Variants in TMEM132C observed in about 807,000 individuals in gnomAD.
TMEM132C encodes protein phosphatase 1, regulatory subunit 152.
Under a neutral mutation model 61.4 loss-of-function variants are expected in TMEM132C, and 29 were observed. The observed-to-expected ratio is 0.47, with a 90% CI of 0.35 to 0.64. The LOEUF (loss-of-function observed/expected upper bound fraction) is 0.64. Ranked by LOEUF, TMEM132C falls within the 30% of genes least tolerant of loss-of-function variation. The pLI is 0.00. For synonymous variants in TMEM132C, 656 were observed against 633.1 expected (o/e 1.04, Z -0.54); for missense variants, 1,408 against 1,476.9 (o/e 0.95, Z 0.76).
intron 2 of TMEM132C, among the ~76,000 whole-genome samples, chr12:128,482,501 G>C (rs1286154493): frequency 6.6e-6 from 1 of 152,162 alleles, no homozygotes. Context: ...AAATGAGTTA[G>C]GGAAAAGTCC....
At chr12:128,591,419 T>C (rs1257492942) in intron 3 of TMEM132C, among the ~76,000 whole-genome samples, 1 of 152,172 alleles carries the variant, frequency 6.6e-6, no homozygotes, top group East Asian at 1.9e-4. Flanking sequence ...TGAGGGGTCG[T>C]CCATGCCTCC....
intron 1 of TMEM132C, among the ~76,000 whole-genome samples, chr12:128,358,766 C>A (rs1248007989): frequency 6.6e-5 from 10 of 152,020 alleles, no homozygotes; most frequent in Non-Finnish European, 1.5e-5. Context: ...GCCTAAAGAA[C>A]ATTTAAAAGA....
chr12:128,380,275 G>A (rs147055002), intron 1 of TMEM132C, among the ~76,000 whole-genome samples: 2 of 152,370 alleles, frequency 1.3e-5, no homozygotes, highest in East Asian at 3.9e-4. Context: ...TAGTGTTGGA[G>A]ATGCCCTAGG....
At chr12:128,348,538 C>A (rs1280098596) in intron 1 of TMEM132C, among the ~76,000 whole-genome samples, 1 of 152,208 alleles carries the variant, frequency 6.6e-6, no homozygotes, top group African/African-American at 2.4e-5. Flanking sequence ...AAATCTTTCA[C>A]TATGAAGTAT....
intron 1 of TMEM132C, among the ~76,000 whole-genome samples, chr12:128,307,321 A>G (rs1871817513): frequency 6.6e-6 from 1 of 152,160 alleles, no homozygotes; most frequent in African/African-American, 2.4e-5. Flanking sequence ...ATATACAAAT[A>G]TCTCAACTGG....
chr12:128,329,333 C>T (rs147819749), intron 1 of TMEM132C, among the ~76,000 whole-genome samples: 4 of 151,854 alleles, frequency 2.6e-5, no homozygotes, highest in East Asian at 1.9e-4. Flanking sequence ...AAACTCTGTC[C>T]GGGAGTGGGG....
At chr12:128,481,993 A>G (rs192656992) in intron 2 of TMEM132C, among the ~76,000 whole-genome samples, 22 of 152,330 alleles carry the variant, frequency 1.4e-4, no homozygotes, top group Non-Finnish European at 3.2e-4. Context: ...TTCAAAGGGA[A>G]TGCTTCTGCC....
At chr12:128,334,599 C>CTTTT (rs202233227) in intron 1 of TMEM132C, among the ~76,000 whole-genome samples, 1 of 143,380 alleles carries the variant, frequency 7.0e-6, no homozygotes, top group Non-Finnish European at 1.5e-5. Flanking sequence ...TTTCACTTTC[C>CTTTT]TTTTTTTTTT....
At chr12:128,406,185 A>G (rs549153460) in intron 1 of TMEM132C, among the ~76,000 whole-genome samples, 1 of 152,330 alleles carries the variant, frequency 6.6e-6, no homozygotes, top group East Asian at 1.9e-4. Flanking sequence ...ACACGTGAGA[A>G]GTTCTGCCTT....
chr12:128,294,546 C>G (rs1243114879), intron 1 of TMEM132C, among the ~76,000 whole-genome samples: 2 of 152,184 alleles, frequency 1.3e-5, no homozygotes, highest in African/African-American at 4.8e-5. Context: ...GTTCTAGTTG[C>G]TCTAACAAAA....
chr12:128,494,962 C>G (rs453304), intron 2 of TMEM132C, among the ~76,000 whole-genome samples: 40,476 of 131,130 alleles, frequency 0.31, 6,802 homozygotes, highest in East Asian at 0.53. Context: ...GATCTTTCCT[C>G]CTTTCTCTTG....
intron 2 of TMEM132C, among the ~76,000 whole-genome samples, chr12:128,466,042 C>CAA (rs112161557): frequency 6.6e-6 from 1 of 151,792 alleles, no homozygotes; most frequent in African/African-American, 2.4e-5. Flanking sequence ...AAAATTAATG[C>CAA]CAAAAAAACC....
rs767703648 is a variant in TMEM132C at position 128,593,559 on chromosome 12, T to A, written c.1122-22593T>A. 2.3e-3 allele frequency among the ~76,000 whole-genome samples: 351 copies of A among 152,130 alleles called. 2 individuals are homozygous for A. The highest frequency in any genetic ancestry group is 3.6e-3 in the Non-Finnish European group (242 of 67,992). ...TTCCTGCATGGGAATTGGAGTTGAG[T>A]TGGTCTGGGTTCCGGTCCTGCTCCA... is the stretch of plus-strand genomic sequence containing the variant. On this transcript the variant is annotated intron_variant, in intron 3 of 8. Transcript: ENST00000435159.
At chr12:128,487,462 T>G (rs540944479) in intron 2 of TMEM132C, among the ~76,000 whole-genome samples, 2 of 62,816 alleles carry the variant, frequency 3.2e-5, no homozygotes, top group Admixed American at 2.3e-4. Context: ...TTTATACATA[T>G]AAATTGTGTG....
intron 1 of TMEM132C, among the ~76,000 whole-genome samples, chr12:128,343,952 T>C (rs1460861228): frequency 6.6e-6 from 1 of 152,354 alleles, no homozygotes; most frequent in East Asian, 1.9e-4. Context: ...GGTTTTGTTG[T>C]TCATTGTGTC....
chr12:128,361,795 T>C (rs949185970), intron 1 of TMEM132C, among the ~76,000 whole-genome samples: 23 of 152,176 alleles, frequency 1.5e-4, no homozygotes, highest in African/African-American at 5.3e-4. Context: ...TTCTGAGGAC[T>C]TGGGGCCCCG....
intron 1 of TMEM132C, among the ~76,000 whole-genome samples, chr12:128,279,217 T>C (rs1269507616): frequency 1.3e-5 from 2 of 152,184 alleles, no homozygotes; most frequent in Non-Finnish European, 2.9e-5. Flanking sequence ...TCCTTGAAGA[T>C]AATGGATTCC....
In TMEM132C at chr12:128,693,678, T is replaced by G. The variant is rs955709880; in HGVS notation, c.1450-151T>G. Reference sequence around the variant, plus strand: ...CCCTGGGGTCACCTCCCAATTAAACTGAGTGCACCAAATCCTTGTCTCAGG... The same window carrying G: ...CCCTGGGGTCACCTCCCAATTAAACGGAGTGCACCAAATCCTTGTCTCAGG... On this transcript the variant is annotated intron_variant, in intron 5 of 8. Transcript: ENST00000435159. The G allele has an allele frequency of 3.1e-5, 26 of 851,604 alleles. No individual in the cohort carries two copies. The African/African-American group carries it at 3.9e-4, about 13-fold the overall frequency. 52.8% of individuals were successfully genotyped at this position (851,604 alleles called of 1,614,324 possible).
intron 2 of TMEM132C, among the ~76,000 whole-genome samples, chr12:128,535,882 C>T (rs1873508051): frequency 6.8e-6 from 1 of 148,024 alleles, no homozygotes; most frequent in Non-Finnish European, 1.5e-5. Flanking sequence ...AAAAAAAAGT[C>T]AGGAAACAAC....
Sources: gnomAD v4.1 joint callset for allele counts (sites outside exome capture counted in the v4.1 genomes callset) on GRCh38, gnomAD v4.1.1 for gene constraint, MANE v1.5 for transcripts, NCBI Gene and HGNC (gene_info 2026-07-23, HGNC 2026-07-21) for gene names.